The following CSMD2 variants were observed in gnomAD, a reference collection of about 807,000 sequenced individuals.
The protein encoded by CSMD2 is CUB and sushi domain-containing protein 2.
In CSMD2, 130 loss-of-function variants were observed where a neutral mutation model predicts 398.5. The ratio of observed to expected loss-of-function variants is 0.33; its 90% confidence interval spans 0.28 to 0.38. The LOEUF is 0.38. Ranked by LOEUF, CSMD2 falls within the 10% of genes least tolerant of loss-of-function variation. The probability of loss-of-function intolerance (pLI) is 1.00; values close to 1 mark genes in which losing one functional copy is unlikely to be tolerated. For synonymous variants in CSMD2, 1,828 were observed against 1,908.5 expected (o/e 0.96, Z 1.10); for missense variants, 3,829 against 4,764.9 (o/e 0.80, Z 5.78).
At chr1:34,057,281 G>A (rs763559845) in intron 2 of CSMD2, among the ~76,000 whole-genome samples, 1 of 152,154 alleles carries the variant, frequency 6.6e-6, no homozygotes, top group East Asian at 1.9e-4. Context: ...ATGCAACAGC[G>A]CTGAAAACTA....
Position 33,636,649 on chromosome 1 carries a change from A to T in CSMD2, c.4775-95T>A. On this transcript the variant is annotated intron_variant, in intron 29 of 70. Coordinates refer to ENST00000373381, the MANE Select transcript of CSMD2 (RefSeq NM_001281956.2). The surrounding 1 kb of genome is among the most constrained non-coding windows in gnomAD (Gnocchi z 4.8). ...GTGCCCATGAGGAGAACCCGACTTT[A>T]ATTAGCCACAGAGCACACGGGGATG... The T allele has an allele frequency of 1.0e-6, 1 of 997,672 alleles. No individual in the cohort carries two copies. Among genetic ancestry groups the T allele is most frequent in the East Asian group, 2.6e-5 (1 of 39,086 alleles). The allele number at this position is 997,672 out of a possible 1,614,324, so 61.8% of individuals were successfully genotyped here.
At chr1:33,830,172 G>A (rs780914857) in intron 6 of CSMD2, among the ~76,000 whole-genome samples, 1 of 152,200 alleles carries the variant, frequency 6.6e-6, no homozygotes, top group Admixed American at 6.5e-5. Flanking sequence ...CTCCCAGCAT[G>A]CAGCTGGAGA....
At chr1:33,896,958 A>G (rs550343419) in intron 5 of CSMD2, among the ~76,000 whole-genome samples, 1 of 151,936 alleles carries the variant, frequency 6.6e-6, no homozygotes, top group East Asian at 1.9e-4. Context: ...TGGCTGGGGA[A>G]GGGAATAAGA....
chr1:33,959,975 T>A (rs1645298285), intron 3 of CSMD2, among the ~76,000 whole-genome samples: 1 of 152,300 alleles, frequency 6.6e-6, no homozygotes, highest in African/African-American at 2.4e-5. Context: ...AATGAATGAA[T>A]GAATAAAGCT....
At chr1:33,821,128 G>C (rs1658097903) in intron 7 of CSMD2, among the ~76,000 whole-genome samples, 2 of 152,198 alleles carry the variant, frequency 1.3e-5, no homozygotes, top group African/African-American at 4.8e-5. Flanking sequence ...TCTCGAGCCA[G>C]AGTAAGCAGT....
intron 41 of CSMD2, among the ~76,000 whole-genome samples, chr1:33,608,346 C>T (rs1190339225): frequency 6.6e-6 from 1 of 152,172 alleles, no homozygotes; most frequent in East Asian, 1.9e-4. Flanking sequence ...AGGGTGAAGG[C>T]ACAGTGCACG....
chr1:34,048,214 G>A (rs1246344017), intron 2 of CSMD2, among the ~76,000 whole-genome samples: 3 of 152,220 alleles, frequency 2.0e-5, no homozygotes, highest in Non-Finnish European at 2.9e-5. Flanking sequence ...TAATAATGAT[G>A]ATGTTTGTTA....
chr1:33,625,254 G>A lies in CSMD2; in HGVS notation c.5297C>T (p.Ala1766Val), dbSNP rs1418763276. 2 of 1,609,142 alleles carry A rather than the reference G, an allele frequency of 1.2e-6. No individual in the cohort carries two copies. The highest frequency in any genetic ancestry group is 1.7e-4 in the Middle Eastern group (1 of 6,056). Residue 1766 changes from alanine (A) to valine (V), a missense_variant and splice_region_variant, in exon 34 of 71, where the codon GCG becomes GTG. Ala to Val is a moderately conservative substitution (Grantham distance 64). Around this residue, in one of 5 missense-constraint regions of CSMD2, gnomAD observed 2,001 missense variants for 2,567.1 expected, o/e 0.78. Coordinates refer to ENST00000373381, the MANE Select transcript of CSMD2 (RefSeq NM_001281956.2). Reference sequence around the variant, plus strand: ...CTGCGTGGCGCTGGTTCGAGGAACCGCTGTGGGGGACAAGGGCACTGAGGG... The same window carrying A: ...CTGCGTGGCGCTGGTTCGAGGAACCACTGTGGGGGACAAGGGCACTGAGGG... The part of the protein sequence containing the change: ...PARGFHFVYQ[A>V]VPRTSATQCS...
At chr1:34,027,545 A>G (rs1649810395) in intron 3 of CSMD2, among the ~76,000 whole-genome samples, 1 of 152,234 alleles carries the variant, frequency 6.6e-6, no homozygotes. Flanking sequence ...TAATTAGATG[A>G]GGGCTTAAAT....
At chr1:33,565,150 G>C (rs1312460898) in intron 53 of CSMD2, among the ~76,000 whole-genome samples, 1 of 152,196 alleles carries the variant, frequency 6.6e-6, no homozygotes, top group African/African-American at 2.4e-5. Context: ...AAAGAGAAGA[G>C]AGGAGCAGGT....
chr1:33,623,323 G>T, intron 36 of CSMD2, 47 bp downstream of exon 36: 1 of 1,181,474 alleles, frequency 8.5e-7, no homozygotes, highest in Non-Finnish European at 1.3e-6. Context: ...ATGATGATGA[G>T]CTCTAGTACT....
intron 5 of CSMD2, among the ~76,000 whole-genome samples, chr1:33,908,943 G>C (rs149098522): frequency 2.2e-3 from 330 of 152,326 alleles, no homozygotes; most frequent in Admixed American, 8.5e-3. Flanking sequence ...ATCAAAAAAG[G>C]ACAGTTACTT....
intron 10 of CSMD2, among the ~76,000 whole-genome samples, chr1:33,810,497 C>T (rs1043443136): frequency 1.3e-5 from 2 of 151,914 alleles, no homozygotes; most frequent in African/African-American, 2.4e-5. Flanking sequence ...ACTAAGGTAA[C>T]GATTTTCTTT....
chr1:33,545,407 C>G (rs762064163), intron 57 of CSMD2, among the ~76,000 whole-genome samples: 1 of 152,176 alleles, frequency 6.6e-6, no homozygotes, highest in African/African-American at 2.4e-5. Flanking sequence ...ATTTGTATAT[C>G]TTTTGGCACA....
In CSMD2 at chr1:33,550,176, C is replaced by T. The variant is rs1236056604; in HGVS notation, c.8917+1G>A. ...TCTTTCCTCAATGCCATGCACCATA[C>T]CTGAGCAGTGAGGGAGGGAGCCAGT... On this transcript the variant is annotated splice_donor_variant, in intron 56 of 70. Transcript: ENST00000373381. LOFTEE classifies it high-confidence loss of function. 6.2e-7 allele frequency: 1 copy of T among 1,613,410 alleles called. No individual in the cohort carries two copies. The highest frequency in any genetic ancestry group is 2.2e-5 in the East Asian group (1 of 44,888).
chr1:33,975,476 C>T (rs1046305647), intron 3 of CSMD2, among the ~76,000 whole-genome samples: 1 of 141,290 alleles, frequency 7.1e-6, no homozygotes, highest in South Asian at 2.2e-4. Context: ...GATCCTCCCT[C>T]TCCCAAGTGT....
At chr1:34,132,244 G>A (rs142972358) in intron 1 of CSMD2, among the ~76,000 whole-genome samples, 7 of 151,878 alleles carry the variant, frequency 4.6e-5, no homozygotes, top group South Asian at 2.1e-4. Flanking sequence ...GTGGCACCTC[G>A]TCCTGCTGAC....
At chr1:33,560,261 C>T (rs1658420591) in intron 53 of CSMD2, among the ~76,000 whole-genome samples, 1 of 152,176 alleles carries the variant, frequency 6.6e-6, no homozygotes, top group South Asian at 2.1e-4. Context: ...CTGACTGTCA[C>T]ATTAAGCTCC....
At position 33,625,042 on chromosome 1, in the gene CSMD2, G is replaced by A. The variant is rs1570987297; in HGVS notation, c.5500+9C>T. 1 of 1,613,746 alleles carries A rather than the reference G, an allele frequency of 6.2e-7. No individual in the cohort carries two copies. The highest frequency in any genetic ancestry group is 8.5e-7 in the Non-Finnish European group (1 of 1,179,816). ...CCGCACCCTCAACGCCCGGGTCCTG[G>A]TTACTCACCCACACACGTGGGCGCT... On this transcript the variant is annotated intron_variant, in intron 34 of 70. Transcript: ENST00000373381.
Sources: allele counts gnomAD v4.1 joint callset (sites outside exome capture counted in the v4.1 genomes callset), GRCh38; gene constraint gnomAD v4.1.1; regional missense constraint gnomAD v4.1.1; non-coding constraint Gnocchi (gnomAD v3.1); transcripts MANE v1.5; gene names NCBI Gene and HGNC (gene_info 2026-07-23, HGNC 2026-07-21).